The following SUMO2 variants were observed in gnomAD, a reference collection of about 807,000 sequenced individuals.
SUMO2 encodes the protein small ubiquitin like modifier 2, also known as small ubiquitin-related modifier 2.
SUMO2 carries 1 observed loss-of-function variant against 16.0 expected under a neutral mutation model. That is an observed-to-expected ratio of 0.06 (90% CI 0.02 to 0.30). The LOEUF is 0.30. SUMO2 is among the 10% of genes least tolerant of loss of function. SUMO2 has a pLI of 1.00. For missense variants in SUMO2, 16 were observed against 117.5 expected (o/e 0.14, Z 3.99); for synonymous variants, 36 against 40.6 (o/e 0.89, Z 0.43).
intron 2 of SUMO2, among the ~76,000 whole-genome samples, chr17:75,177,171 CAAA>C (rs55817377): frequency 2.7e-5 from 3 of 111,618 alleles, no homozygotes; most frequent in Admixed American, 9.5e-5. Context: ...ACTCTTGTCT[CAAA>C]AAAAAAAAAA....
intron 3 of SUMO2, among the ~76,000 whole-genome samples, chr17:75,172,325 CT>C (rs71361663): frequency 1.2e-4 from 13 of 109,400 alleles, no homozygotes; most frequent in East Asian, 7.3e-4. Context: ...TGTACCCAGA[CT>C]TTTTTTTTTT....
At chr17:75,168,458 A>T in intron 3 of SUMO2, 57 bp from the exon 4 acceptor site, 1 of 1,503,042 alleles carries the variant, frequency 6.7e-7, no homozygotes, top group South Asian at 1.3e-5. Context: ...AAAATTAATG[A>T]TTTTTGGGTT....
Position 75,167,359 on chromosome 17 carries a change from G to A in SUMO2, c.*980C>T, listed in dbSNP as rs2074701224. The A allele has an allele frequency of 6.6e-6, 1 of 152,010 alleles. No individual in the cohort carries two copies. Among genetic ancestry groups the A allele is most frequent in the Non-Finnish European group, 1.5e-5 (1 of 68,026 alleles). The allele number at this position is 152,010 out of a possible 1,614,324, so 9.4% of individuals were successfully genotyped here. The stretch of plus-strand genomic sequence containing the variant: ...GTTAGGGAGTATTTACTTATGATAA[G>A]TGCAGGCTAGAATGGTTCAGTGTTT... On this transcript the variant is annotated 3_prime_UTR_variant, in exon 4 of 4. Coordinates refer to ENST00000420826, the MANE Select transcript of SUMO2 (RefSeq NM_006937.4).
chr17:75,178,429 G>A (rs1366646446), intron 2 of SUMO2, among the ~76,000 whole-genome samples: 1 of 149,478 alleles, frequency 6.7e-6, no homozygotes, highest in South Asian at 2.1e-4. Flanking sequence ...CAGGAGAATC[G>A]CTTGAACCCA....
intron 2 of SUMO2, among the ~76,000 whole-genome samples, chr17:75,175,068 A>G (rs2074771389): frequency 6.6e-6 from 1 of 151,400 alleles, no homozygotes; most frequent in African/African-American, 2.4e-5. Context: ...GGCAACCTAC[A>G]CCTCCTGGTT....
intron 1 of SUMO2, 138 bp downstream of exon 1, chr17:75,182,676 C>G: frequency 9.7e-6 from 6 of 618,458 alleles, no homozygotes; most frequent in Non-Finnish European, 1.4e-5. Context: ...TGGCGCGGAG[C>G]GCCCGGGCCT....
chr17:75,172,753 G>A (rs2074751649), intron 3 of SUMO2, among the ~76,000 whole-genome samples: 1 of 152,004 alleles, frequency 6.6e-6, no homozygotes, highest in Admixed American at 6.6e-5. Context: ...GGGATCACAG[G>A]CATGAGCCAC....
At chr17:75,171,508 C>T (rs1460302955) in intron 3 of SUMO2, among the ~76,000 whole-genome samples, 2 of 151,232 alleles carry the variant, frequency 1.3e-5, no homozygotes, top group Non-Finnish European at 2.9e-5. Context: ...GGCAAAACTC[C>T]GTCTCGAAAA....
intron 3 of SUMO2, among the ~76,000 whole-genome samples, chr17:75,172,487 AT>A (rs566106618): frequency 0.083 from 10,669 of 129,004 alleles, 1,198 homozygotes; most frequent in African/African-American, 0.27. Flanking sequence ...GCCTGGCTAA[AT>A]TTTTTTTTTT....
intron 3 of SUMO2, among the ~76,000 whole-genome samples, chr17:75,171,038 T>C (rs1444418995): frequency 1.3e-5 from 2 of 151,056 alleles, no homozygotes; most frequent in Admixed American, 1.3e-4. Context: ...GCACTGACTA[T>C]ATAAGTTAGC....
intron 1 of SUMO2, chr17:75,182,464 G>A (rs1478302487): frequency 5.5e-6 from 1 of 183,394 alleles, no homozygotes. Context: ...AGAAGGTGGA[G>A]ACCCCGCGCG....
intron 1 of SUMO2, chr17:75,182,245 C>G (rs2074834837): frequency 6.6e-6 from 1 of 152,286 alleles, no homozygotes. Context: ...CCACGGGAAT[C>G]CCCCTACCCC....
intron 2 of SUMO2, among the ~76,000 whole-genome samples, chr17:75,178,662 A>T (rs2074803458): frequency 6.6e-6 from 1 of 152,152 alleles, no homozygotes; most frequent in African/African-American, 2.4e-5. Flanking sequence ...TAGACCTGCC[A>T]AGCTCAAGCA....
Position 75,181,148 on chromosome 17 carries a change from T to C in SUMO2, c.62A>G (p.Lys21Arg). 6.2e-7 allele frequency: 1 copy of C among 1,614,000 alleles called. No homozygotes were observed. Among genetic ancestry groups the C allele is most frequent in the Non-Finnish European group, 8.5e-7 (1 of 1,179,928 alleles). ...KTENNDHINL[K>R]VAGQDGSVVQ... ...CACAGAACCATCCTGCCCCGCCACC[T>C]TCAAATTAATATGATCGTTGTTCTC... Residue 21 changes from lysine to arginine, a missense_variant, in exon 2 of 4, where the codon AAG becomes AGG. Physicochemically the swap from Lys to Arg is conservative, Grantham distance 26 (BLOSUM62 2). Coordinates refer to ENST00000420826, the MANE Select transcript of SUMO2 (RefSeq NM_006937.4).
rs144021612 is a variant in SUMO2 at position 75,180,175 on chromosome 17, G to T, written c.153+882C>A. ...ACTAAAAATACAAAATTAGCCGGGCGTGGTGGCGCACGCCTGAAATCCCAG... is the reference window on the plus strand; with the variant it reads ...ACTAAAAATACAAAATTAGCCGGGCTTGGTGGCGCACGCCTGAAATCCCAG... On this transcript the variant is annotated intron_variant, in intron 2 of 3. Transcript: ENST00000420826. Among the ~76,000 whole-genome samples, 167 of 151,086 alleles carry T rather than the reference G, an allele frequency of 1.1e-3. 1 individual carries two copies. Among genetic ancestry groups the T allele is most frequent in the African/African-American group, 3.7e-3 (151 of 41,182 alleles).
intron 3 of SUMO2, 41 bp from the exon 4 acceptor site, chr17:75,168,442 G>C (rs1479761702): frequency 6.5e-7 from 1 of 1,540,812 alleles, no homozygotes; most frequent in East Asian, 2.3e-5. Flanking sequence ...CACTGATTAA[G>C]TTCTGAAAAT....
intron 2 of SUMO2, 116 bp downstream of exon 2, chr17:75,180,941 G>A: frequency 8.4e-7 from 1 of 1,186,572 alleles, no homozygotes; most frequent in Non-Finnish European, 1.2e-6. Flanking sequence ...CGTGCCAAGT[G>A]CATATTCATC....
At chr17:75,176,223 A>G (rs1264753596) in intron 2 of SUMO2, among the ~76,000 whole-genome samples, 1 of 151,962 alleles carries the variant, frequency 6.6e-6, no homozygotes, top group Non-Finnish European at 1.5e-5. Flanking sequence ...GTATTTTAGT[A>G]GAGATGGGGT....
intron 2 of SUMO2, 95 bp from the exon 3 acceptor site, chr17:75,174,918 G>T: frequency 9.5e-7 from 1 of 1,053,950 alleles, no homozygotes; most frequent in African/African-American, 1.6e-5. Flanking sequence ...ATATATTAAA[G>T]AAATACCTAA....
Sources: gnomAD v4.1 joint callset for allele counts (sites outside exome capture counted in the v4.1 genomes callset) on GRCh38, gnomAD v4.1.1 for gene constraint, MANE v1.5 for transcripts, NCBI Gene and HGNC (gene_info 2026-07-23, HGNC 2026-07-21) for gene names.